Variants in THADA observed in about 807,000 individuals in gnomAD.
The protein encoded by THADA is tRNA (32-2'-O)-methyltransferase regulator THADA.
A neutral mutation model predicts 219.8 loss-of-function variants in THADA; 213 were observed. The observed-to-expected ratio is 0.97, with a 90% CI of 0.87 to 1.09. The LOEUF (loss-of-function observed/expected upper bound fraction) is 1.09. Ranked by LOEUF, THADA falls within the 50% of genes least tolerant of loss-of-function variation. THADA has a pLI of 0.00. For synonymous variants in THADA, 1,018 were observed against 828.9 expected (o/e 1.23, Z -3.92); for missense variants, 2,956 against 2,311.3 (o/e 1.28, Z -5.72).
intron 26 of THADA, 82 bp downstream of exon 26, chr2:43,485,152 G>A (rs776728312): frequency 1.0e-6 from 1 of 990,260 alleles, no homozygotes; most frequent in Admixed American, 1.9e-5. Context: ...TATAACAGTA[G>A]GCACAATTTC....
At chr2:43,502,999 G>T (rs1236994599) in intron 24 of THADA, among the ~76,000 whole-genome samples, 4 of 152,204 alleles carry the variant, frequency 2.6e-5, no homozygotes, top group Non-Finnish European at 5.9e-5. Flanking sequence ...CTAGTAATAA[G>T]AAAGATGCAA....
At chr2:43,510,693 G>A (rs1690299998) in intron 22 of THADA, among the ~76,000 whole-genome samples, 1 of 150,552 alleles carries the variant, frequency 6.6e-6, no homozygotes, top group Non-Finnish European at 1.5e-5. Context: ...TGGGCCGGGT[G>A]AGCACAGTGG....
At chr2:43,305,276 C>T (rs1216069398) in intron 31 of THADA, among the ~76,000 whole-genome samples, 1 of 152,090 alleles carries the variant, frequency 6.6e-6, no homozygotes, top group Non-Finnish European at 1.5e-5. Context: ...AGGGAAATTC[C>T]ACTCTTCTAT....
intron 21 of THADA, among the ~76,000 whole-genome samples, chr2:43,529,070 G>GAA (rs960215274): frequency 2.6e-5 from 4 of 151,954 alleles, no homozygotes; most frequent in African/African-American, 9.7e-5. Flanking sequence ...CAGAACCATG[G>GAA]AATTTGCCAG....
intron 24 of THADA, among the ~76,000 whole-genome samples, chr2:43,502,777 A>G (rs920811522): frequency 6.6e-6 from 1 of 151,908 alleles, no homozygotes. Context: ...AAAAGAGAAA[A>G]CATAGTTTGG....
At chr2:43,533,023 G>A (rs1309778235) in intron 21 of THADA, among the ~76,000 whole-genome samples, 1 of 151,784 alleles carries the variant, frequency 6.6e-6, no homozygotes, top group African/African-American at 2.4e-5. Flanking sequence ...AATCTGCAAG[G>A]AACATAAAAA....
chr2:43,320,589 G>T, intron 30 of THADA, 49 bp from the exon 31 acceptor site: 2 of 1,439,904 alleles, frequency 1.4e-6, no homozygotes, highest in South Asian at 1.2e-5. Context: ...TCTCCCTTAG[G>T]TCTGGGTCTC....
intron 28 of THADA, among the ~76,000 whole-genome samples, chr2:43,419,823 T>G (rs1419195042): frequency 1.6e-5 from 1 of 61,972 alleles, no homozygotes; most frequent in African/African-American, 8.9e-5. Context: ...TAAATTTAAA[T>G]TTTTTTTCCC....
intron 7 of THADA, among the ~76,000 whole-genome samples, chr2:43,585,899 T>C (rs1039572275): frequency 1.3e-5 from 2 of 151,932 alleles, no homozygotes; most frequent in African/African-American, 2.4e-5. Context: ...AGTTCAAATA[T>C]AAAAACTTTG....
intron 22 of THADA, among the ~76,000 whole-genome samples, chr2:43,524,698 C>A (rs1692938660): frequency 6.6e-6 from 1 of 152,208 alleles, no homozygotes; most frequent in South Asian, 2.1e-4. Context: ...TTTGAAATGT[C>A]TCTAAAGGGA....
intron 17 of THADA, 31 bp downstream of exon 17, chr2:43,556,314 C>A (rs778162607): frequency 1.9e-6 from 3 of 1,607,258 alleles, no homozygotes; most frequent in Admixed American, 1.7e-5. Flanking sequence ...CTAAGCTATT[C>A]GTTTTGATAA....
At chr2:43,304,673 ATT>A (rs11387621) in intron 31 of THADA, among the ~76,000 whole-genome samples, 10 of 140,344 alleles carry the variant, frequency 7.1e-5, no homozygotes, top group Admixed American at 1.4e-4. Context: ...AGCAGACTTC[ATT>A]TTTTTTTTTT....
chr2:43,555,326 G>C (rs1273795295), intron 17 of THADA, among the ~76,000 whole-genome samples: 1 of 151,178 alleles, frequency 6.6e-6, no homozygotes, highest in African/African-American at 2.4e-5. Context: ...TATGACTTAA[G>C]GTAAGTGTGA....
chr2:43,498,352 T>C (rs7604917), intron 25 of THADA, among the ~76,000 whole-genome samples: 3,831 of 152,310 alleles, frequency 0.025, 180 homozygotes, highest in African/African-American at 0.087. Flanking sequence ...CTGCATTGTA[T>C]ATACTTAAAA....
chr2:43,535,524 T>C (rs1387095148), intron 21 of THADA, among the ~76,000 whole-genome samples: 3 of 151,226 alleles, frequency 2.0e-5, no homozygotes, highest in East Asian at 2.0e-4. Flanking sequence ...ACTAAAAAAA[T>C]ACAAAAATTA....
chr2:43,429,481 G>C (rs976794150), intron 27 of THADA, among the ~76,000 whole-genome samples: 1 of 152,050 alleles, frequency 6.6e-6, no homozygotes, highest in Non-Finnish European at 1.5e-5. Flanking sequence ...GTGTTTCCAA[G>C]AACACTGGCC....
chr2:43,454,602 AACACACACAC>A (rs35970227), intron 26 of THADA, among the ~76,000 whole-genome samples: 5 of 148,976 alleles, frequency 3.4e-5, no homozygotes, highest in African/African-American at 9.9e-5. Context: ...ACCCTGTCTA[AACACACACAC>A]ACACACACAC....
intron 33 of THADA, 122 bp from the exon 34 acceptor site, chr2:43,291,890 G>C (rs1212496123): frequency 1.1e-6 from 1 of 948,010 alleles, no homozygotes; most frequent in African/African-American, 1.7e-5. Context: ...CTACCTCCTG[G>C]TTACAAAAAT....
chr2:43,335,389 G>C (rs924624336), intron 30 of THADA, among the ~76,000 whole-genome samples: 1 of 152,148 alleles, frequency 6.6e-6, no homozygotes, highest in African/African-American at 2.4e-5. Context: ...TGTGAAAACG[G>C]ATAAATCCTC....
Sources: allele counts gnomAD v4.1 joint callset (sites outside exome capture counted in the v4.1 genomes callset), GRCh38; gene constraint gnomAD v4.1.1; transcripts MANE v1.5; gene names NCBI Gene and HGNC (gene_info 2026-07-23, HGNC 2026-07-21).